Variants in NBEA observed in about 807,000 individuals in gnomAD.
NBEA encodes neurobeachin.
In NBEA, 44 loss-of-function variants were observed where a neutral mutation model predicts 343.4. The observed-to-expected ratio is 0.13, with a 90% CI of 0.10 to 0.16. The LOEUF (loss-of-function observed/expected upper bound fraction) is 0.16. NBEA is among the 10% of genes least tolerant of loss of function. The probability of loss-of-function intolerance (pLI) is 1.00; values close to 1 mark genes in which losing one functional copy is unlikely to be tolerated. For synonymous variants in NBEA, 1,175 were observed against 1,238.7 expected (o/e 0.95, Z 1.08); for missense variants, 2,555 against 3,631.3 (o/e 0.70, Z 7.62).
chr13:35,256,773 C>T (rs1194353678), intron 34 of NBEA, among the ~76,000 whole-genome samples: 1 of 152,224 alleles, frequency 6.6e-6, no homozygotes, highest in Non-Finnish European at 1.5e-5. Flanking sequence ...GGTGTGGCCA[C>T]AACTTTGCTC....
intron 31 of NBEA, among the ~76,000 whole-genome samples, chr13:35,204,385 G>A (rs1477654022): frequency 6.6e-6 from 1 of 152,098 alleles, no homozygotes; most frequent in African/African-American, 2.4e-5. Flanking sequence ...AGGAGTGAAA[G>A]GCGCTTCTTA....
intron 41 of NBEA, among the ~76,000 whole-genome samples, chr13:35,485,152 A>G (rs1408041929): frequency 6.6e-6 from 1 of 152,246 alleles, no homozygotes; most frequent in East Asian, 1.9e-4. Context: ...GACTGCATCT[A>G]TATGAATTAC....
chr13:35,422,195 C>G (rs1249166163), intron 38 of NBEA, among the ~76,000 whole-genome samples: 1 of 149,900 alleles, frequency 6.7e-6, no homozygotes, highest in Admixed American at 6.7e-5. Context: ...ATGTGCACAA[C>G]GTGCAGGTTT....
intron 37 of NBEA, among the ~76,000 whole-genome samples, chr13:35,350,048 C>T (rs773873396): frequency 7.2e-5 from 11 of 151,950 alleles, no homozygotes; most frequent in Middle Eastern, 3.2e-3. Flanking sequence ...TTTTAAACTT[C>T]GATAAAAGTA....
chr13:35,228,560 G>T (rs1350821559), intron 33 of NBEA, among the ~76,000 whole-genome samples: 1 of 151,944 alleles, frequency 6.6e-6, no homozygotes, highest in African/African-American at 2.4e-5. Context: ...CAAGTCACCA[G>T]CCTCCAGTGT....
intron 34 of NBEA, among the ~76,000 whole-genome samples, chr13:35,234,893 T>C (rs2075150345): frequency 6.6e-6 from 1 of 152,224 alleles, no homozygotes; most frequent in Non-Finnish European, 1.5e-5. Context: ...ATTTATTTTG[T>C]CATTAGCATT....
chr13:35,605,555 G>GA (rs1261124629), intron 47 of NBEA, among the ~76,000 whole-genome samples: 3 of 151,980 alleles, frequency 2.0e-5, no homozygotes, highest in Non-Finnish European at 1.5e-5. Flanking sequence ...CTTGATATTT[G>GA]AAAAAAGATG....
At chr13:35,099,865 T>G (rs1386731170) in intron 11 of NBEA, among the ~76,000 whole-genome samples, 2 of 152,132 alleles carry the variant, frequency 1.3e-5, no homozygotes, top group African/African-American at 4.8e-5. Flanking sequence ...GTGATTTCCT[T>G]TGAAAATTAA....
intron 1 of NBEA, among the ~76,000 whole-genome samples, chr13:34,963,798 G>A (rs962535836): frequency 2.1e-4 from 32 of 151,616 alleles, no homozygotes; most frequent in Admixed American, 1.1e-3. Context: ...AGCCCAAATA[G>A]TTTTGACTCC....
intron 48 of NBEA, among the ~76,000 whole-genome samples, chr13:35,625,185 C>T (rs945488687): frequency 6.6e-6 from 1 of 152,090 alleles, no homozygotes; most frequent in Non-Finnish European, 1.5e-5. Flanking sequence ...AAAGCATAAA[C>T]ATTTTTAAAA....
At chr13:35,051,008 A>G (rs1347675677) in intron 6 of NBEA, among the ~76,000 whole-genome samples, 1 of 152,056 alleles carries the variant, frequency 6.6e-6, no homozygotes, top group African/African-American at 2.4e-5. Flanking sequence ...AGAACTGTGC[A>G]ACTGTATGAT....
At chr13:35,510,309 A>T (rs9530657) in intron 41 of NBEA, among the ~76,000 whole-genome samples, 1 of 152,126 alleles carries the variant, frequency 6.6e-6, no homozygotes, top group African/African-American at 2.4e-5. Context: ...ATGCAGCCTC[A>T]TACAACCGCT....
chr13:35,346,598 G>C (rs1330830290), intron 36 of NBEA, among the ~76,000 whole-genome samples: 1 of 151,974 alleles, frequency 6.6e-6, no homozygotes, highest in Non-Finnish European at 1.5e-5. Context: ...TTTGTGTTGT[G>C]GTTAACTTTT....
chr13:35,347,333 T>C (rs571897074), intron 36 of NBEA, among the ~76,000 whole-genome samples: 1 of 152,140 alleles, frequency 6.6e-6, no homozygotes, highest in African/African-American at 2.4e-5. Context: ...ATATATTTCA[T>C]TAATGAGCAG....
At chr13:34,985,960 ATT>A (rs1030548159) in intron 1 of NBEA, among the ~76,000 whole-genome samples, 1 of 149,260 alleles carries the variant, frequency 6.7e-6, no homozygotes, top group African/African-American at 2.4e-5. Flanking sequence ...CAGTCTATCA[ATT>A]TTGTTGATCT....
chr13:35,288,406 T>C (rs1447285947), intron 34 of NBEA, among the ~76,000 whole-genome samples: 1 of 151,970 alleles, frequency 6.6e-6, no homozygotes, highest in Non-Finnish European at 1.5e-5. Flanking sequence ...CAAAACTAAT[T>C]AGACAAAACA....
chr13:34,984,065 T>C (rs2060459470), intron 1 of NBEA, among the ~76,000 whole-genome samples: 1 of 152,202 alleles, frequency 6.6e-6, no homozygotes, highest in Admixed American at 6.5e-5. Context: ...CAATTTTGGC[T>C]TTTGTTGCCA....
At chr13:35,436,780 G>A (rs2045468550) in intron 39 of NBEA, among the ~76,000 whole-genome samples, 1 of 151,542 alleles carries the variant, frequency 6.6e-6, no homozygotes, top group South Asian at 2.1e-4. Context: ...GAAAACTTTG[G>A]TCAAAAAATT....
intron 28 of NBEA, chr13:35,179,830 A>G (rs1325026265): frequency 2.0e-6 from 2 of 977,798 alleles, no homozygotes; most frequent in African/African-American, 3.5e-5. Flanking sequence ...ATTGTGCTTC[A>G]TTTTCCTTTG....
Sources: gnomAD v4.1 joint callset for allele counts (sites outside exome capture counted in the v4.1 genomes callset) on GRCh38, gnomAD v4.1.1 for gene constraint, MANE v1.5 for transcripts, NCBI Gene and HGNC (gene_info 2026-07-23, HGNC 2026-07-21) for gene names.